USP9X: variants seen among roughly 807,000 people sequenced by gnomAD.
The protein encoded by USP9X is ubiquitin carboxyl-terminal hydrolase 9X.
A neutral mutation model predicts 190.3 loss-of-function variants in USP9X; 7 were observed. The observed-to-expected ratio is 0.04, with a 90% CI of 0.02 to 0.07. The LOEUF (loss-of-function observed/expected upper bound fraction) is 0.07. Ranked by LOEUF, USP9X falls within the 10% of genes least tolerant of loss-of-function variation. USP9X has a pLI of 1.00. For synonymous variants in USP9X, 645 were observed against 659.5 expected, an observed-to-expected ratio of 0.98 and a Z score of 0.34; for missense variants, 1,010 against 1,916.9, an observed-to-expected ratio of 0.53 and a Z score of 8.83.
In USP9X at chrX:41,117,579, C is replaced by CTT. The variant is rs746348929; in HGVS notation, c.-158-5877_-158-5876dup. ...ATTCTAACCTTTTTTTTTTCTTCTTCTTTTTTTTTTTTTTTTGAGACGGAG... is the reference window on the plus strand; with the variant it reads ...ATTCTAACCTTTTTTTTTTCTTCTTCTTTTTTTTTTTTTTTTTTGAGACGGAG... On this transcript the variant is annotated intron_variant, in intron 1 of 44. Transcript: ENST00000378308. Among the ~76,000 whole-genome samples, 665 of 76,024 alleles carry CTT rather than the reference C, an allele frequency of 8.7e-3. 4 individuals are homozygous for CTT. The highest frequency in any genetic ancestry group is 0.012 in the Non-Finnish European group (485 of 39,970). 66.0% of individuals were successfully genotyped at this position (76,024 alleles called of 115,157 possible).
chrX:41,128,586 C>G (rs1184213305), intron 2 of USP9X, among the ~76,000 whole-genome samples: 4 of 111,700 alleles, frequency 3.6e-5, no homozygotes, highest in Non-Finnish European at 7.5e-5. Flanking sequence ...AGGATTGGTT[C>G]CAAGACCTCT....
At chrX:41,206,792 CCT>C (rs2063101449) in intron 32 of USP9X, among the ~76,000 whole-genome samples, 2 of 106,819 alleles carry the variant, frequency 1.9e-5, no homozygotes, top group African/African-American at 3.4e-5. Context: ...TTTTTTTTCC[CCT>C]GAGATGGAGT....
At chrX:41,126,490 G>A (rs1312727731) in intron 2 of USP9X, among the ~76,000 whole-genome samples, 1 of 111,370 alleles carries the variant, frequency 9.0e-6, no homozygotes, top group African/African-American at 3.3e-5. Context: ...TTTTTGCAAT[G>A]TTTCTGACTT....
intron 1 of USP9X, among the ~76,000 whole-genome samples, chrX:41,113,824 T>A (rs1184728159): frequency 9.0e-6 from 1 of 111,670 alleles, no homozygotes; most frequent in Non-Finnish European, 1.9e-5. Flanking sequence ...TACATGTAGA[T>A]AATAATCTAT....
chrX:41,215,382 TG>T (rs2063202708), intron 34 of USP9X, among the ~76,000 whole-genome samples: 1 of 112,777 alleles, frequency 8.9e-6, no homozygotes, highest in African/African-American at 3.2e-5. Flanking sequence ...ATTGAGATTG[TG>T]GGCTGTAAAG....
At chrX:41,134,289 A>G (rs995469335) in intron 4 of USP9X, among the ~76,000 whole-genome samples, 2 of 112,602 alleles carry the variant, frequency 1.8e-5, no homozygotes, top group Admixed American at 9.4e-5. Flanking sequence ...AAGCAAAGAT[A>G]TAAAGAAACA....
At chrX:41,168,539 T>C (rs898625004) in intron 18 of USP9X, among the ~76,000 whole-genome samples, 4 of 112,384 alleles carry the variant, frequency 3.6e-5, no homozygotes, top group African/African-American at 1.3e-4. Context: ...AAAGGTCTTA[T>C]TCTGTCACCC....
chrX:41,166,293 A>C lies in USP9X; in HGVS notation c.2328+79A>C, dbSNP rs2062677847. ...CGTAAGGAATTGTAATTTTGCATAT[A>C]AATTGTGTATTTTACTCTGATGTTT... On this transcript the variant is annotated intron_variant, in intron 16 of 44. Transcript: ENST00000378308. 6.5e-6 allele frequency: 5 copies of C among 764,293 alleles called. No individual in the cohort carries two copies. The South Asian group carries it at 1.8e-4, about 27-fold the overall frequency. The allele number at this position is 764,293 out of a possible 1,213,427, so 63.0% of individuals were successfully genotyped here.
intron 1 of USP9X, among the ~76,000 whole-genome samples, chrX:41,107,251 T>G (rs1280089185): frequency 9.0e-6 from 1 of 110,708 alleles, no homozygotes; most frequent in African/African-American, 3.3e-5. Flanking sequence ...ACTTCTGACC[T>G]CAGGTGAGCC....
intron 2 of USP9X, among the ~76,000 whole-genome samples, chrX:41,124,963 G>A (rs1051337301): frequency 4.5e-5 from 5 of 112,163 alleles, no homozygotes; most frequent in Admixed American, 1.9e-4. Flanking sequence ...ACCTCTTTCT[G>A]TTCTCTGGAT....
At chrX:41,148,028 T>A (rs2062486591) in intron 11 of USP9X, among the ~76,000 whole-genome samples, 1 of 111,512 alleles carries the variant, frequency 9.0e-6, no homozygotes, top group African/African-American at 3.3e-5. Flanking sequence ...GCAGCATCCC[T>A]GGTCTCTACT....
chrX:41,148,474 A>T lies in USP9X; in HGVS notation c.1525A>T (p.Asn509Tyr). 8.3e-7 allele frequency: 1 copy of T among 1,211,878 alleles called. No homozygotes were observed. The highest frequency in any genetic ancestry group is 3.0e-5 in the East Asian group (1 of 33,849). The change falls in exon 12 of 45, where the codon AAC (asparagine) becomes TAC (tyrosine). Residue 509 changes from asparagine (N) to tyrosine (Y), a missense_variant. Coordinates refer to ENST00000378308, the MANE Select transcript of USP9X (RefSeq NM_001039591.3). ...TGGTGTGATGGCACACAAAGTGTTG[A>T]ACCTTCTGTGGAATCTGGCTCACAG... ...KDGVMAHKVL[N>Y]LLWNLAHSDD...
intron 1 of USP9X, among the ~76,000 whole-genome samples, chrX:41,122,514 T>C (rs1039165053): frequency 1.8e-5 from 2 of 111,709 alleles, no homozygotes; most frequent in African/African-American, 6.5e-5. Flanking sequence ...CATTTATTCC[T>C]CTTATGGGAA....
chrX:41,131,372 A>G, intron 3 of USP9X, 85 bp from the exon 4 acceptor site: 1 of 673,714 alleles, frequency 1.5e-6, no homozygotes, highest in Non-Finnish European at 2.2e-6. Flanking sequence ...TTTTCATAGC[A>G]AGATAATTAT....
chrX:41,187,187 G>A (rs931549685), intron 24 of USP9X, among the ~76,000 whole-genome samples: 1 of 112,185 alleles, frequency 8.9e-6, no homozygotes, highest in Non-Finnish European at 1.9e-5. Flanking sequence ...GGTCGAAACC[G>A]AATGTTTTCA....
At chrX:41,090,457 T>C (rs1166956271) in intron 1 of USP9X, among the ~76,000 whole-genome samples, 1 of 112,355 alleles carries the variant, frequency 8.9e-6, no homozygotes, top group Non-Finnish European at 1.9e-5. Flanking sequence ...TTACCTAAAA[T>C]TTATTCTTCA....
rs1254466375 is a variant in USP9X, at chrX:41,085,894, C to T, written c.-374C>T. On this transcript the variant is annotated 5_prime_UTR_variant, in exon 1 of 45. Transcript: ENST00000378308. Reference sequence around the variant, plus strand: ...AAGGAGGAGGAGGAGGCGGGCGCGGCGAGGAGCGAGTTCCGGCGCCGGTGT... The same window carrying T: ...AAGGAGGAGGAGGAGGCGGGCGCGGTGAGGAGCGAGTTCCGGCGCCGGTGT... 2 of 297,410 alleles carry T rather than the reference C, an allele frequency of 6.7e-6. No homozygotes were observed. Among genetic ancestry groups the T allele is most frequent in the Non-Finnish European group, 1.2e-5 (2 of 170,483 alleles). 24.5% of individuals were successfully genotyped at this position (297,410 alleles called of 1,213,427 possible).
At chrX:41,125,579 T>C (rs1019908831) in intron 2 of USP9X, among the ~76,000 whole-genome samples, 4 of 104,648 alleles carry the variant, frequency 3.8e-5, no homozygotes, top group African/African-American at 1.4e-4. Flanking sequence ...CCACTACCAA[T>C]GTCATTAAAC....
intron 1 of USP9X, among the ~76,000 whole-genome samples, chrX:41,114,960 T>G (rs2062136242): frequency 9.1e-6 from 1 of 110,295 alleles, no homozygotes; most frequent in Non-Finnish European, 1.9e-5. Context: ...CAGTGGCTTA[T>G]GCCTGTAATC....
Sources: gnomAD v4.1 joint callset for allele counts (sites outside exome capture counted in the v4.1 genomes callset) on GRCh38, gnomAD v4.1.1 for gene constraint, MANE v1.5 for transcripts, NCBI Gene and HGNC (gene_info 2026-07-23, HGNC 2026-07-21) for gene names.